PPFIA2: variants seen among roughly 807,000 people sequenced by gnomAD.
PPFIA2 encodes PPFI scaffold protein A2.
Under a neutral mutation model 175.5 loss-of-function variants are expected in PPFIA2, and 46 were observed. The observed-to-expected ratio is 0.26, with a 90% CI of 0.21 to 0.34. The LOEUF (loss-of-function observed/expected upper bound fraction) is 0.34, where lower values mean the gene tolerates loss of function less well. Ranked by LOEUF, PPFIA2 falls within the 10% of genes least tolerant of loss-of-function variation. PPFIA2 has a pLI of 1.00. For synonymous variants in PPFIA2, 568 were observed against 511.4 expected (o/e 1.11, Z -1.49); for missense variants, 1,179 against 1,506.1 (o/e 0.78, Z 3.60).
At chr12:81,501,643 G>C (rs534165924) in intron 4 of PPFIA2, among the ~76,000 whole-genome samples, 1 of 152,192 alleles carries the variant, frequency 6.6e-6, no homozygotes, top group African/African-American at 2.4e-5. Context: ...TTTGAGGCAT[G>C]TATTATTATT....
intron 4 of PPFIA2, among the ~76,000 whole-genome samples, chr12:81,475,324 A>G (rs1222408483): frequency 1.3e-5 from 2 of 152,200 alleles, no homozygotes; most frequent in African/African-American, 4.8e-5. Context: ...TTTTTATTTA[A>G]GTAAAAATAA....
At chr12:81,540,865 T>C (rs1365883921) in intron 4 of PPFIA2, among the ~76,000 whole-genome samples, 1 of 152,032 alleles carries the variant, frequency 6.6e-6, no homozygotes, top group Non-Finnish European at 1.5e-5. Context: ...AGTATTTTCC[T>C]ACTGCTATAT....
chr12:81,392,855 G>A (rs1373987695), intron 8 of PPFIA2, among the ~76,000 whole-genome samples: 4 of 151,764 alleles, frequency 2.6e-5, no homozygotes, highest in African/African-American at 4.8e-5. Context: ...CTCCAAAAAC[G>A]GTGGAGTCAT....
intron 4 of PPFIA2, among the ~76,000 whole-genome samples, chr12:81,647,051 C>G (rs1233398193): frequency 1.5e-5 from 1 of 66,604 alleles, no homozygotes; most frequent in East Asian, 4.3e-4. Context: ...TTTGAAGGAA[C>G]TGGTTAAAAA....
Position 81,750,284 on chromosome 12 carries a change from A to G in PPFIA2, c.249+3689T>C, listed in dbSNP as rs1568124304. 1.4e-5 allele frequency among the ~76,000 whole-genome samples: 2 copies of G among 144,142 alleles called. 1 individual carries two copies. The allele number at this position is 144,142 out of a possible 152,430, so 94.6% of individuals were successfully genotyped here. A position where few individuals can be genotyped will look rare whatever the true frequency, so the allele number is the denominator to read the frequency against. On this transcript the variant is annotated intron_variant, in intron 3 of 32. Transcript: ENST00000549396. Reference sequence around the variant, plus strand: ...CAAGCATATAATGTGACATATTTACAACACCAGAAATGTTAGGAGATGCAG... The same window carrying G: ...CAAGCATATAATGTGACATATTTACGACACCAGAAATGTTAGGAGATGCAG...
rs762792138 is a variant in PPFIA2, at chr12:81,358,160, G to A, written c.1695C>T (p.Ser565=). The change falls in exon 16 of 33, where the codon AGC becomes AGT. Residue 565 remains serine, a synonymous_variant. Transcript: ENST00000549396. ...CTTTAGTTGTTCTGTAATCAGACTG[G>A]CTGTCCACTAGGGATCCCACTGAGT... ...LRYSVGSLVD[S]QSDYRTTKVI... is the part of the protein sequence containing the mutation. The A allele has an allele frequency of 7.5e-6, 12 of 1,598,086 alleles. No homozygotes were observed. The African/African-American group carries it at 1.6e-4, about 21-fold the overall frequency.
intron 3 of PPFIA2, among the ~76,000 whole-genome samples, chr12:81,687,735 C>T (rs1269383419): frequency 1.3e-5 from 2 of 151,760 alleles, no homozygotes; most frequent in Non-Finnish European, 2.9e-5. Context: ...TCCTAGTACA[C>T]AAATTAGAAA....
chr12:81,529,977 T>A (rs2064285913), intron 4 of PPFIA2, among the ~76,000 whole-genome samples: 1 of 151,838 alleles, frequency 6.6e-6, no homozygotes, highest in Non-Finnish European at 1.5e-5. Flanking sequence ...AAAATAAAAG[T>A]TTTTTAAAAA....
rs570565027 is a variant in PPFIA2 at position 81,427,629 on chromosome 12, G to A, written c.645+12343C>T. Among the ~76,000 whole-genome samples, 23 of 152,080 alleles carry A rather than the reference G, an allele frequency of 1.5e-4. 1 individual carries two copies. The highest frequency in any genetic ancestry group is 5.9e-4 in the Admixed American group (9 of 15,262). ...AATACAAAAAAAAGGAGATGTAGTC[G>A]TGGGTATAACATAAAGTACAGAGTA... On this transcript the variant is annotated intron_variant, in intron 7 of 32. Coordinates refer to ENST00000549396, the MANE Select transcript of PPFIA2 (RefSeq NM_003625.5).
At chr12:81,389,584 C>A (rs1164972123) in intron 8 of PPFIA2, among the ~76,000 whole-genome samples, 1 of 151,822 alleles carries the variant, frequency 6.6e-6, no homozygotes, top group Non-Finnish European at 1.5e-5. Flanking sequence ...TTCTCATTAC[C>A]TTAAATAGAT....
At chr12:81,638,621 G>C (rs1048929643) in intron 4 of PPFIA2, among the ~76,000 whole-genome samples, 1 of 147,786 alleles carries the variant, frequency 6.8e-6, no homozygotes, top group Non-Finnish European at 1.5e-5. Flanking sequence ...TTAGGGTTCT[G>C]TACCTAGTAT....
intron 16 of PPFIA2, among the ~76,000 whole-genome samples, chr12:81,356,241 A>G (rs1482170674): frequency 2.0e-5 from 3 of 152,192 alleles, no homozygotes; most frequent in Non-Finnish European, 4.4e-5. Flanking sequence ...CACACAACAT[A>G]TAGATTAACT....
chr12:81,755,479 G>A (rs1033465996), intron 2 of PPFIA2, among the ~76,000 whole-genome samples: 2 of 152,084 alleles, frequency 1.3e-5, no homozygotes, highest in African/African-American at 4.8e-5. Flanking sequence ...ATACATTCCT[G>A]TCCTTGGGGA....
Position 81,707,986 on chromosome 12 carries a change from C to T in PPFIA2, c.250-31142G>A, listed in dbSNP as rs189849715. ...GAATTGAACAATGACAACACATGGA[C>T]GCAGGAAGGGGAACATCACACTCTG... On this transcript the variant is annotated intron_variant, in intron 3 of 32. Transcript: ENST00000549396. Among the ~76,000 whole-genome samples the T allele has an allele frequency of 7.6e-3, 1,025 of 134,372 alleles. 21 individuals are homozygous for T. Among genetic ancestry groups the T allele is most frequent in the African/African-American group, 0.028 (965 of 34,960 alleles). 88.2% of individuals were successfully genotyped at this position (134,372 alleles called of 152,430 possible). A position where few individuals can be genotyped will look rare whatever the true frequency, so the allele number is the denominator to read the frequency against.
intron 24 of PPFIA2, among the ~76,000 whole-genome samples, chr12:81,293,452 A>G (rs749952671): frequency 6.6e-6 from 1 of 151,974 alleles, no homozygotes; most frequent in Non-Finnish European, 1.5e-5. Context: ...AAAACGTCAA[A>G]CTCACATAAT....
chr12:81,532,792 T>C (rs1278245342), intron 4 of PPFIA2, among the ~76,000 whole-genome samples: 1 of 151,812 alleles, frequency 6.6e-6, no homozygotes, highest in Non-Finnish European at 1.5e-5. Context: ...TATTTGTTTC[T>C]TTGTTTTCCT....
At chr12:81,468,240 T>C (rs910602935) in intron 4 of PPFIA2, among the ~76,000 whole-genome samples, 2 of 152,220 alleles carry the variant, frequency 1.3e-5, no homozygotes, top group Admixed American at 6.5e-5. Context: ...CTCATCTTTA[T>C]GGAGGAGAGG....
At chr12:81,533,692 A>AATCTATCTACCT (rs1555461036) in intron 4 of PPFIA2, among the ~76,000 whole-genome samples, 4 of 144,326 alleles carry the variant, frequency 2.8e-5, no homozygotes, top group African/African-American at 1.0e-4. Context: ...TAAATTCACA[A>AATCTATCTACCT]ATCTATCTAT....
chr12:81,268,264 AAGTAGCTGG>A (rs2038002426), intron 28 of PPFIA2, among the ~76,000 whole-genome samples, 177 bp from the exon 29 acceptor site: 2 of 144,432 alleles, frequency 1.4e-5, no homozygotes, highest in African/African-American at 5.2e-5. Flanking sequence ...TCAGCCTCCC[AAGTAGCTGG>A]GACTACAGGC....
Sources: allele counts gnomAD v4.1 joint callset (sites outside exome capture counted in the v4.1 genomes callset), GRCh38; gene constraint gnomAD v4.1.1; transcripts MANE v1.5; gene names NCBI Gene and HGNC (gene_info 2026-07-23, HGNC 2026-07-21).